The following ITGB2 variants were observed in gnomAD, a reference collection of about 807,000 sequenced individuals.
ITGB2 encodes the protein integrin subunit beta 2, also known as integrin beta-2.
ITGB2 carries 56 observed loss-of-function variants against 86.8 expected under a neutral mutation model. The observed-to-expected ratio is 0.65, with a 90% CI of 0.52 to 0.81. ITGB2 has a LOEUF of 0.81. Among genes scored for constraint, ITGB2 ranks in the 30% least tolerant of loss-of-function variants. The probability of loss-of-function intolerance (pLI) is 0.00; values close to 1 mark genes in which losing one functional copy is unlikely to be tolerated. For missense variants in ITGB2, 948 were observed against 1,061.2 expected (o/e 0.89, Z 1.48); for synonymous variants, 457 against 450.4 (o/e 1.01, Z -0.19).
intron 5 of ITGB2, 55 bp downstream of exon 5, chr21:44,903,310 A>G: frequency 1.3e-6 from 2 of 1,599,428 alleles, no homozygotes; most frequent in South Asian, 2.2e-5. Flanking sequence ...CACAGGCAGG[A>G]GTGGCCAGGG....
At chr21:44,911,167 TATA>T in intron 1 of ITGB2, 1 of 360,038 alleles carries the variant, frequency 2.8e-6, no homozygotes, top group Non-Finnish European at 5.3e-6. Context: ...ACACCACACA[TATA>T]CATGCATCAC....
chr21:44,889,198 C>T (rs1159277303), intron 13 of ITGB2, 78 bp downstream of exon 13: 4 of 1,443,682 alleles, frequency 2.8e-6, no homozygotes, highest in South Asian at 1.2e-5. Context: ...ACTGGGGTCC[C>T]CGAGTGAGCC....
At chr21:44,888,054 G>T (rs2083724990) in intron 14 of ITGB2, among the ~76,000 whole-genome samples, 1 of 152,238 alleles carries the variant, frequency 6.6e-6, no homozygotes, top group South Asian at 2.1e-4. Flanking sequence ...TCACCGTGGG[G>T]CTGGGCCTGG....
intron 10 of ITGB2, among the ~76,000 whole-genome samples, chr21:44,892,635 G>T: frequency 7.2e-6 from 1 of 139,506 alleles, no homozygotes; most frequent in African/African-American, 2.7e-5. Flanking sequence ...AAATCCACAG[G>T]CAACATTTAC....
Position 44,886,376 on chromosome 21 carries a change from C to T in ITGB2, c.2302G>A (p.Glu768Lys), listed in dbSNP as rs372064061. The change falls in exon 16 of 16, where the codon GAG becomes AAG. Residue 768 changes from glutamate (E) to lysine (K), a missense_variant. Glu to Lys is a moderately conservative substitution (Grantham distance 56). Transcript: ENST00000652462. ...GTCTTCACCAAGTGCTCCTAACTCT[C>T]AGCAAACTTGGGGTTCATGACCGTC... ...TTTVMNPKFA[E>K]S 7 of 1,614,118 alleles carry T rather than the reference C, an allele frequency of 4.3e-6. No individual in the cohort carries two copies. Among genetic ancestry groups the T allele is most frequent in the Non-Finnish European group, 5.9e-6 (7 of 1,179,988 alleles).
chr21:44,907,317 C>T (rs1273187641), intron 3 of ITGB2, among the ~76,000 whole-genome samples: 1 of 152,190 alleles, frequency 6.6e-6, no homozygotes, highest in Admixed American at 6.5e-5. Flanking sequence ...GGCAGGGTAT[C>T]GCCTCCTCCT....
chr21:44,889,843 C>A, intron 12 of ITGB2, 135 bp downstream of exon 12: 1 of 1,325,182 alleles, frequency 7.5e-7, no homozygotes. Flanking sequence ...CGCCCGGTGG[C>A]TGGGCGAGAC....
At chr21:44,917,853 T>C (rs571680414) in intron 1 of ITGB2, among the ~76,000 whole-genome samples, 3 of 152,336 alleles carry the variant, frequency 2.0e-5, no homozygotes, top group Non-Finnish European at 2.9e-5. Context: ...CTAACTCTTC[T>C]GCACTCTCAG....
At chr21:44,910,233 G>C in intron 3 of ITGB2, 51 bp downstream of exon 3, 1 of 1,598,482 alleles carries the variant, frequency 6.3e-7, no homozygotes, top group Non-Finnish European at 8.5e-7. Context: ...GGCAGGAAAG[G>C]GCCCTCACCC....
chr21:44,908,110 C>G (rs745593643), intron 3 of ITGB2: 1 of 723,708 alleles, frequency 1.4e-6, no homozygotes, highest in Non-Finnish European at 2.6e-6. Flanking sequence ...CGAGGACAGA[C>G]GGGAGCCACC....
At position 44,889,399 on chromosome 21, in the gene ITGB2, G is replaced by A. The variant is rs370702628; in HGVS notation, c.1754C>T (p.Pro585Leu). The change falls in exon 13 of 16, where the codon CCG (proline) becomes CTG (leucine). Residue 585 changes from proline (P) to leucine (L), a missense_variant. By Grantham distance (98) the Pro-to-Leu change is moderately conservative. Transcript: ENST00000652462. ...CERTTEGCLN[P>L]RRVECSGRGR... ...ACGACCACTACACTCAACACGCCGC[G>A]GGTTCAGGCAGCCCTCAGTGGTCCT... The A allele has an allele frequency of 2.7e-5, 43 of 1,612,594 alleles. No individual in the cohort carries two copies. Among genetic ancestry groups the A allele is most frequent in the Admixed American group, 2.0e-4 (12 of 59,960 alleles).
At chr21:44,903,979 GC>G (rs1177800459) in intron 4 of ITGB2, among the ~76,000 whole-genome samples, 3 of 152,136 alleles carry the variant, frequency 2.0e-5, no homozygotes, top group African/African-American at 7.2e-5. Context: ...TCCCCAGGAG[GC>G]CCCTTTCTCC....
chr21:44,886,560 G>C lies in ITGB2; in HGVS notation c.2248-130C>G. The C allele has an allele frequency of 2.2e-6, 3 of 1,391,686 alleles. No homozygotes were observed. In the East Asian group the frequency reaches 6.9e-5, roughly 32 times the overall value. The allele number at this position is 1,391,686 out of a possible 1,614,324, so 86.2% of individuals were successfully genotyped here. On this transcript the variant is annotated intron_variant, in intron 15 of 15. Transcript: ENST00000652462. ...AGCTAGACGTGGGGCAGCCCCCCCA[G>C]GGTCCCAGCACCGGCAGCCAAGCTC...
At chr21:44,889,240 A>T (rs774458390) in intron 13 of ITGB2, 36 bp downstream of exon 13, 121 of 1,597,100 alleles carry the variant, frequency 7.6e-5, no homozygotes, top group Middle Eastern at 1.8e-4. Flanking sequence ...GGGAGTGGGG[A>T]TCCCTGCCCG....
Position 44,907,187 on chromosome 21 carries a change from C to A in ITGB2, c.148-92G>T, listed in dbSNP as rs756691683. 1.1e-3 allele frequency: 1,047 copies of A among 918,312 alleles called. 2 individuals carry two copies. Among genetic ancestry groups the A allele is most frequent in the Non-Finnish European group, 1.6e-3 (943 of 603,584 alleles). The allele number at this position is 918,312 out of a possible 1,614,324, so 56.9% of individuals were successfully genotyped here. On this transcript the variant is annotated intron_variant, in intron 3 of 15. Transcript: ENST00000652462. ...ATGGAGGACTGAGGACCCACCCTGT[C>A]CCCTCCTCCTCTGCGCCTGGAATTT...
At chr21:44,907,164 G>T in intron 3 of ITGB2, 69 bp from the exon 4 acceptor site, 2 of 1,208,076 alleles carry the variant, frequency 1.7e-6, no homozygotes, top group Non-Finnish European at 2.4e-6. Context: ...GACTGGCCAT[G>T]GAGGACTGAG....
In ITGB2 at chr21:44,886,445, A is replaced by G. The variant is rs1601276867; in HGVS notation, c.2248-15T>C. 3.7e-6 allele frequency: 6 copies of G among 1,613,724 alleles called. No individual in the cohort carries two copies. Among genetic ancestry groups the G allele is most frequent in the Non-Finnish European group, 4.2e-6 (5 of 1,179,602 alleles). ...AGGGGATTATCCTGGTGGGAAATGC[A>G]AACAGGGGCTTGTGAGTGTGGGAGG... On this transcript the variant is annotated splice_polypyrimidine_tract_variant and intron_variant, in intron 15 of 15. Coordinates refer to ENST00000652462, the MANE Select transcript of ITGB2 (RefSeq NM_000211.5).
intron 10 of ITGB2, 159 bp downstream of exon 10, chr21:44,893,245 C>G (rs2083816177): frequency 2.5e-6 from 2 of 788,538 alleles, no homozygotes; most frequent in African/African-American, 1.7e-5. Context: ...TGCCTGTGTG[C>G]CCCTCCCTGC....
Position 44,886,807 on chromosome 21 carries a change from G to C in ITGB2, c.2176C>G (p.Leu726Val). 6.2e-7 allele frequency: 1 copy of C among 1,613,946 alleles called. No individual in the cohort carries two copies. Among genetic ancestry groups the C allele is most frequent in the Non-Finnish European group, 8.5e-7 (1 of 1,180,022 alleles). ...GILLLVIWKA[L>V]IHLSDLREYR... ...TCCCGGAGGTCGCTCAGGTGGATCA[G>C]AGCCTTCCAGATGACCAGCAGGAGA... The change falls in exon 15 of 16, where the codon CTG (leucine) becomes GTG (valine). Residue 726 changes from leucine (L) to valine (V), a missense_variant. By Grantham distance (32) the Leu-to-Val change is conservative. Coordinates refer to ENST00000652462, the MANE Select transcript of ITGB2 (RefSeq NM_000211.5).
Sources: gnomAD v4.1 joint callset for allele counts (sites outside exome capture counted in the v4.1 genomes callset) on GRCh38, gnomAD v4.1.1 for gene constraint, MANE v1.5 for transcripts, NCBI Gene and HGNC (gene_info 2026-07-23, HGNC 2026-07-21) for gene names.